Variants in CFAP47 observed in about 807,000 individuals in gnomAD.
CFAP47 encodes cilia and flagella associated protein 47, also known as cilia- and flagella-associated protein 47.
A neutral mutation model predicts 148.1 loss-of-function variants in CFAP47; 29 were observed. The observed-to-expected ratio is 0.20, with a 90% CI of 0.15 to 0.27. The LOEUF (loss-of-function observed/expected upper bound fraction) is 0.27. CFAP47 is among the 10% of genes least tolerant of loss of function. The pLI, the probability that CFAP47 is intolerant of heterozygous loss-of-function variation, is 1.00. For synonymous variants in CFAP47, 664 were observed against 577.3 expected, an observed-to-expected ratio of 1.15 and a Z score of -2.15; for missense variants, 1,872 against 1,697.5, an observed-to-expected ratio of 1.10 and a Z score of -1.81.
intron 39 of CFAP47, among the ~76,000 whole-genome samples, chrX:36,171,539 A>G (rs1356292032): frequency 2.8e-5 from 3 of 108,292 alleles, no homozygotes; most frequent in Non-Finnish European, 5.7e-5. Flanking sequence ...TCCCAGCACC[A>G]TTTATTAAAT....
chrX:36,064,393 T>C (rs1937619293), intron 26 of CFAP47, among the ~76,000 whole-genome samples: 1 of 112,036 alleles, frequency 8.9e-6, no homozygotes, highest in African/African-American at 3.2e-5. Context: ...ATGTTGAGTG[T>C]GTGTATTTTA....
intron 22 of CFAP47, among the ~76,000 whole-genome samples, chrX:36,020,870 C>T (rs1303724589): frequency 1.8e-5 from 2 of 110,820 alleles, no homozygotes; most frequent in African/African-American, 3.3e-5. Context: ...TTCTTTTCTG[C>T]TTGTTTTGTG....
intron 48 of CFAP47, among the ~76,000 whole-genome samples, chrX:36,245,256 C>A (rs1321593002): frequency 9.0e-6 from 1 of 111,715 alleles, no homozygotes; most frequent in Admixed American, 9.5e-5. Flanking sequence ...AAGCTGGAAG[C>A]ATTCACCTTG....
At chrX:36,317,452 C>T (rs782037229) in intron 56 of CFAP47, among the ~76,000 whole-genome samples, 1 of 109,678 alleles carries the variant, frequency 9.1e-6, no homozygotes, top group Non-Finnish European at 1.9e-5. Context: ...CTCTGTCGCC[C>T]AGACTGGAGT....
At chrX:36,298,685 G>C (rs1941268654) in intron 51 of CFAP47, among the ~76,000 whole-genome samples, 1 of 110,930 alleles carries the variant, frequency 9.0e-6, no homozygotes, top group Admixed American at 9.6e-5. Context: ...TGATACCAGT[G>C]AAAAATATAT....
chrX:35,980,336 A>G (rs1234272823), intron 15 of CFAP47, among the ~76,000 whole-genome samples: 1 of 112,086 alleles, frequency 8.9e-6, no homozygotes, highest in African/African-American at 3.2e-5. Context: ...TGACCTGTCA[A>G]TATGGATGTA....
intron 36 of CFAP47, among the ~76,000 whole-genome samples, chrX:36,147,497 T>A (rs1439963690): frequency 1.8e-5 from 2 of 112,499 alleles, no homozygotes; most frequent in Non-Finnish European, 3.8e-5. Context: ...AGGAATTAGC[T>A]CTCTGGGACT....
intron 30 of CFAP47, among the ~76,000 whole-genome samples, chrX:36,096,127 C>T (rs983437352): frequency 2.8e-5 from 3 of 105,636 alleles, no homozygotes; most frequent in Non-Finnish European, 5.9e-5. Context: ...CTCAGGAGCA[C>T]ATTTTTAAGT....
chrX:35,936,831 A>AT lies in CFAP47; in HGVS notation c.402-4443dup, dbSNP rs1282864905. The stretch of plus-strand genomic sequence containing the variant: ...TGGTGCTTCCTGAAGGAGTGGAGGC[A>AT]TTTTTTTTTCCCAGGCCTGGCTGCC... On this transcript the variant is annotated intron_variant, in intron 2 of 63. Coordinates refer to ENST00000378653, the MANE Select transcript of CFAP47 (RefSeq NM_001304548.2). Among the ~76,000 whole-genome samples, 14 of 108,015 alleles carry AT rather than the reference A, an allele frequency of 1.3e-4. No homozygotes were observed. In the South Asian group the frequency reaches 2.0e-3, roughly 15 times the overall value. 93.8% of individuals were successfully genotyped at this position (108,015 alleles called of 115,157 possible).
chrX:36,100,486 C>T (rs1243045649), intron 32 of CFAP47, among the ~76,000 whole-genome samples: 2 of 112,125 alleles, frequency 1.8e-5, no homozygotes, highest in Non-Finnish European at 3.8e-5. Flanking sequence ...GTAAATTATA[C>T]CTCTATACTC....
chrX:35,948,265 C>T, intron 3 of CFAP47, 49 bp from the exon 4 acceptor site: 1 of 1,109,881 alleles, frequency 9.0e-7, no homozygotes, highest in Non-Finnish European at 1.2e-6. Flanking sequence ...AGTGTACATG[C>T]AACATTGTAA....
At chrX:36,281,315 A>G (rs1225010600) in intron 50 of CFAP47, among the ~76,000 whole-genome samples, 1 of 112,699 alleles carries the variant, frequency 8.9e-6, no homozygotes, top group Non-Finnish European at 1.9e-5. Flanking sequence ...CTTCACAGAA[A>G]CAGAAATGAT....
chrX:36,022,299 T>C lies in CFAP47; in HGVS notation c.3556+7387T>C, dbSNP rs141920703. Among the ~76,000 whole-genome samples, 604 of 111,802 alleles carry C rather than the reference T, an allele frequency of 5.4e-3. 6 individuals carry two copies. Among genetic ancestry groups the C allele is most frequent in the African/African-American group, 0.019 (577 of 30,789 alleles). The stretch of plus-strand genomic sequence containing the variant: ...TCTTCAGTACTTTAAATATTTCATA[T>C]CACTCCAACCTGGCCTGTAAGGTTT... On this transcript the variant is annotated intron_variant, in intron 22 of 63. Transcript: ENST00000378653.
At chrX:35,920,180 G>C (rs1488396242) in intron 1 of CFAP47, 132 bp downstream of exon 1, 1 of 710,499 alleles carries the variant, frequency 1.4e-6, no homozygotes, top group Admixed American at 3.8e-5. Context: ...CCGGGAAACA[G>C]TGACAGGTTT....
intron 49 of CFAP47, among the ~76,000 whole-genome samples, chrX:36,257,516 C>T (rs1465024277): frequency 1.8e-5 from 2 of 108,882 alleles, no homozygotes; most frequent in Non-Finnish European, 3.8e-5. Context: ...CTTCGACCTC[C>T]TGGACTCAGC....
At chrX:36,362,229 A>T (rs2146991384) in intron 61 of CFAP47, among the ~76,000 whole-genome samples, 1 of 112,492 alleles carries the variant, frequency 8.9e-6, no homozygotes, top group South Asian at 3.7e-4. Context: ...TTTGTTTTAG[A>T]TACAGGAAGT....
intron 57 of CFAP47, among the ~76,000 whole-genome samples, chrX:36,329,462 A>G (rs782072894): frequency 1.1e-4 from 12 of 112,024 alleles, no homozygotes; most frequent in Non-Finnish European, 1.5e-4. Flanking sequence ...ATCTAAATGC[A>G]ATGTGAAATC....
chrX:36,177,050 A>G (rs1939692872), intron 39 of CFAP47, among the ~76,000 whole-genome samples: 1 of 112,749 alleles, frequency 8.9e-6, no homozygotes, highest in Admixed American at 9.4e-5. Context: ...CATTTTGAAC[A>G]CACTTTAAGT....
At chrX:36,199,477 A>C (rs2146881243) in intron 42 of CFAP47, among the ~76,000 whole-genome samples, 1 of 111,795 alleles carries the variant, frequency 8.9e-6, no homozygotes, top group South Asian at 3.7e-4. Flanking sequence ...AGGCAACATT[A>C]ATATAGAGAG....
Sources: gnomAD v4.1 joint callset for allele counts (sites outside exome capture counted in the v4.1 genomes callset) on GRCh38, gnomAD v4.1.1 for gene constraint, MANE v1.5 for transcripts, NCBI Gene and HGNC (gene_info 2026-07-23, HGNC 2026-07-21) for gene names.